Variants in SEMA5A observed in about 807,000 individuals in gnomAD.
SEMA5A encodes semaphorin 5A.
SEMA5A carries 55 observed loss-of-function variants against 135.5 expected under a neutral mutation model. The observed-to-expected ratio is 0.41, with a 90% CI of 0.33 to 0.51. The LOEUF (loss-of-function observed/expected upper bound fraction) is 0.51, where lower values mean the gene tolerates loss of function less well. SEMA5A is among the 20% of genes least tolerant of loss of function. The pLI is 0.37. For synonymous variants in SEMA5A, 580 were observed against 546.5 expected (o/e 1.06, Z -0.85); for missense variants, 1,290 against 1,419.9 (o/e 0.91, Z 1.47).
intron 2 of SEMA5A, among the ~76,000 whole-genome samples, chr5:9,435,230 C>A (rs1171594570): frequency 6.6e-6 from 1 of 152,054 alleles, no homozygotes; most frequent in East Asian, 1.9e-4. Context: ...CATGTTTACC[C>A]TAATATATAT....
chr5:9,380,194 G>A, intron 2 of SEMA5A, 171 bp from the exon 3 acceptor site: 1 of 486,822 alleles, frequency 2.1e-6, no homozygotes, highest in Non-Finnish European at 3.7e-6. Flanking sequence ...TCGTGTGTGT[G>A]TATGAATGCA....
intron 2 of SEMA5A, among the ~76,000 whole-genome samples, chr5:9,383,808 T>C (rs1427610335): frequency 6.6e-6 from 1 of 152,144 alleles, no homozygotes; most frequent in Non-Finnish European, 1.5e-5. Context: ...CTTAACAGAC[T>C]TGATGTTAGA....
intron 4 of SEMA5A, among the ~76,000 whole-genome samples, chr5:9,323,472 TTGA>T (rs3836915): frequency 0.11 from 17,198 of 152,038 alleles, 1,268 homozygotes; most frequent in Non-Finnish European, 0.17. Context: ...ATAAAATCAG[TTGA>T]TGAAGCTTTC....
At chr5:9,231,089 A>T (rs747948704) in intron 6 of SEMA5A, among the ~76,000 whole-genome samples, 1 of 152,180 alleles carries the variant, frequency 6.6e-6, no homozygotes, top group Non-Finnish European at 1.5e-5. Flanking sequence ...ATGTGAAAAC[A>T]CAGGGAAAAA....
chr5:9,299,028 C>T (rs1377859944), intron 5 of SEMA5A, among the ~76,000 whole-genome samples: 2 of 152,152 alleles, frequency 1.3e-5, no homozygotes, highest in Non-Finnish European at 2.9e-5. Context: ...ATAAACTAAG[C>T]CCACAGTCAA....
At chr5:9,544,487 C>A (rs189644924) in intron 1 of SEMA5A, among the ~76,000 whole-genome samples, 31 of 152,290 alleles carry the variant, frequency 2.0e-4, no homozygotes, top group Admixed American at 2.0e-3. Context: ...TGACAGCTCT[C>A]TATAGCCACC....
chr5:9,511,966 T>A (rs1736228481), intron 1 of SEMA5A: 1 of 152,230 alleles, frequency 6.6e-6, no homozygotes. Context: ...TGATTTGTCT[T>A]CTTCTTTACA....
At position 9,040,807 on chromosome 5, in the gene SEMA5A, G is replaced by T. The variant is rs1291639278; in HGVS notation, c.*2090C>A. 2 of 152,236 alleles carry T rather than the reference G, an allele frequency of 1.3e-5. No individual in the cohort carries two copies. The highest frequency in any genetic ancestry group is 2.1e-4 in the South Asian group (1 of 4,822). 9.4% of individuals were successfully genotyped at this position (152,236 alleles called of 1,614,324 possible). ...AAATATTAGAATCCTCTTTACCAGG[G>T]AAAATAAAATGTCCCTTTAAGCTTA... On this transcript the variant is annotated 3_prime_UTR_variant, in exon 23 of 23. Coordinates refer to ENST00000382496, the MANE Select transcript of SEMA5A (RefSeq NM_003966.3).
At chr5:9,130,312 A>T (rs1201875855) in intron 13 of SEMA5A, among the ~76,000 whole-genome samples, 2 of 152,234 alleles carry the variant, frequency 1.3e-5, no homozygotes, top group African/African-American at 2.4e-5. Context: ...AAATTAAAAA[A>T]AAATCTTCCT....
Position 9,219,160 on chromosome 5 carries a change from C to T in SEMA5A, c.646+5514G>A, listed in dbSNP as rs138168596. On this transcript the variant is annotated intron_variant, in intron 8 of 22. Coordinates refer to ENST00000382496, the MANE Select transcript of SEMA5A (RefSeq NM_003966.3). Reference sequence around the variant, plus strand: ...CTACTGTCTATCTCAAAGCTTCACACCACATATTACTGGCTATTCTGTGGA... The same window carrying T: ...CTACTGTCTATCTCAAAGCTTCACATCACATATTACTGGCTATTCTGTGGA... Among the ~76,000 whole-genome samples, 24 of 152,316 alleles carry T rather than the reference C, an allele frequency of 1.6e-4. No homozygotes were observed. The East Asian group carries it at 2.1e-3, about 14-fold the overall frequency.
intron 6 of SEMA5A, among the ~76,000 whole-genome samples, chr5:9,230,128 G>A (rs939163151): frequency 2.0e-5 from 3 of 148,894 alleles, no homozygotes; most frequent in African/African-American, 5.0e-5. Flanking sequence ...CGGATTACAC[G>A]TGTATGCCAC....
At chr5:9,172,833 T>C (rs1162122911) in intron 11 of SEMA5A, among the ~76,000 whole-genome samples, 1 of 152,248 alleles carries the variant, frequency 6.6e-6, no homozygotes, top group African/African-American at 2.4e-5. Flanking sequence ...CTCTCAATTT[T>C]AATTCCTCAA....
intron 5 of SEMA5A, among the ~76,000 whole-genome samples, chr5:9,254,272 T>G (rs1290426369): frequency 6.6e-6 from 1 of 152,128 alleles, no homozygotes; most frequent in African/African-American, 2.4e-5. Context: ...AAAAAGTAAT[T>G]GTAATACAAG....
chr5:9,115,024 A>G (rs1429718490), intron 15 of SEMA5A, among the ~76,000 whole-genome samples: 1 of 152,220 alleles, frequency 6.6e-6, no homozygotes, highest in Non-Finnish European at 1.5e-5. Flanking sequence ...TCTCTCAGCC[A>G]TCTCAGCAGC....
chr5:9,478,892 A>C (rs1314353210), intron 1 of SEMA5A, among the ~76,000 whole-genome samples: 2 of 152,166 alleles, frequency 1.3e-5, no homozygotes, highest in Non-Finnish European at 2.9e-5. Flanking sequence ...GGGTGGGATG[A>C]TATGGCTTGG....
intron 2 of SEMA5A, among the ~76,000 whole-genome samples, chr5:9,390,336 G>T (rs954068963): frequency 6.6e-5 from 10 of 152,042 alleles, no homozygotes; most frequent in Non-Finnish European, 1.3e-4. Flanking sequence ...ACCCTGAGGG[G>T]GTCAGATAAG....
chr5:9,054,783 G>C (rs940153322), intron 18 of SEMA5A, among the ~76,000 whole-genome samples: 1 of 152,140 alleles, frequency 6.6e-6, no homozygotes, highest in Admixed American at 6.5e-5. Flanking sequence ...AAGCTAACAC[G>C]TCCCATGAGG....
At chr5:9,069,648 CAGAA>C (rs2150079216) in intron 16 of SEMA5A, among the ~76,000 whole-genome samples, 1 of 152,232 alleles carries the variant, frequency 6.6e-6, no homozygotes, top group South Asian at 2.1e-4. Context: ...AGGCTTTTAA[CAGAA>C]AATATGTAAG....
At chr5:9,098,497 G>A (rs551746591) in intron 16 of SEMA5A, among the ~76,000 whole-genome samples, 1 of 152,072 alleles carries the variant, frequency 6.6e-6, no homozygotes, top group Non-Finnish European at 1.5e-5. Flanking sequence ...AATCAATGAC[G>A]GAAGATGCAT....
Sources: gnomAD v4.1 joint callset for allele counts (sites outside exome capture counted in the v4.1 genomes callset) on GRCh38, gnomAD v4.1.1 for gene constraint, MANE v1.5 for transcripts, NCBI Gene and HGNC (gene_info 2026-07-23, HGNC 2026-07-21) for gene names.